Variants in CNTNAP2 observed in about 807,000 individuals in gnomAD.
CNTNAP2 encodes the protein contactin associated protein 2.
A neutral mutation model predicts 155.2 loss-of-function variants in CNTNAP2; 98 were observed. The observed-to-expected ratio is 0.63, with a 90% CI of 0.54 to 0.75. The LOEUF (loss-of-function observed/expected upper bound fraction) is 0.75. CNTNAP2 is among the 30% of genes least tolerant of loss of function. CNTNAP2 has a pLI of 0.00. For missense variants in CNTNAP2, 1,727 were observed against 1,688.1 expected (o/e 1.02, Z -0.40); for synonymous variants, 651 against 631.2 (o/e 1.03, Z -0.47).
chr7:146,382,387 G>A (rs1294834222), intron 1 of CNTNAP2, among the ~76,000 whole-genome samples: 5 of 152,166 alleles, frequency 3.3e-5, no homozygotes, highest in Non-Finnish European at 1.5e-5. Context: ...ATTGGGGAAA[G>A]CATTGATTTG....
chr7:147,502,645 T>A (rs1798836317), intron 11 of CNTNAP2, among the ~76,000 whole-genome samples: 2 of 151,918 alleles, frequency 1.3e-5, no homozygotes, highest in African/African-American at 4.8e-5. Flanking sequence ...AGATCTGAAG[T>A]GTTCTCACAC....
intron 20 of CNTNAP2, among the ~76,000 whole-genome samples, chr7:148,264,135 A>G (rs1432118313): frequency 6.6e-6 from 1 of 152,234 alleles, no homozygotes; most frequent in African/African-American, 2.4e-5. Flanking sequence ...ATGGAAATTT[A>G]ATCTTTAAAA....
At chr7:147,102,726 T>A (rs1423533329) in intron 4 of CNTNAP2, among the ~76,000 whole-genome samples, 1 of 152,200 alleles carries the variant, frequency 6.6e-6, no homozygotes, top group African/African-American at 2.4e-5. Context: ...AAATTAGCTA[T>A]AATGACATTT....
intron 17 of CNTNAP2, among the ~76,000 whole-genome samples, chr7:148,167,621 G>A (rs117343058): frequency 0.023 from 3,558 of 152,292 alleles, 59 homozygotes; most frequent in Middle Eastern, 0.048. Flanking sequence ...GAGAGCCTGT[G>A]AACCGTGAGC....
intron 22 of CNTNAP2, among the ~76,000 whole-genome samples, chr7:148,391,812 G>GA (rs916944744): frequency 1.3e-5 from 2 of 152,136 alleles, no homozygotes; most frequent in African/African-American, 4.8e-5. Flanking sequence ...ACAAACACCA[G>GA]AAAAAATAAA....
chr7:147,072,620 A>T (rs916040296), intron 4 of CNTNAP2, among the ~76,000 whole-genome samples: 2 of 152,098 alleles, frequency 1.3e-5, no homozygotes, highest in African/African-American at 4.8e-5. Flanking sequence ...AGAAGGTAAA[A>T]TCTACAGAAC....
intron 2 of CNTNAP2, among the ~76,000 whole-genome samples, chr7:146,809,153 A>G (rs1426259307): frequency 6.6e-6 from 1 of 152,172 alleles, no homozygotes; most frequent in Non-Finnish European, 1.5e-5. Context: ...ACTGGTTTCC[A>G]TAATAATTGT....
At chr7:146,329,168 C>G (rs992433375) in intron 1 of CNTNAP2, among the ~76,000 whole-genome samples, 3 of 152,122 alleles carry the variant, frequency 2.0e-5, no homozygotes, top group Non-Finnish European at 4.4e-5. Context: ...TTCTCTACAT[C>G]GTGGTCAACA....
intron 14 of CNTNAP2, among the ~76,000 whole-genome samples, chr7:147,954,438 G>A (rs1280991463): frequency 6.6e-6 from 1 of 151,686 alleles, no homozygotes; most frequent in Non-Finnish European, 1.5e-5. Context: ...TATACAGAAG[G>A]AAAAGAAGAC....
At chr7:146,125,437 G>A (rs1224661426) in intron 1 of CNTNAP2, among the ~76,000 whole-genome samples, 1 of 151,432 alleles carries the variant, frequency 6.6e-6, no homozygotes, top group Non-Finnish European at 1.5e-5. Context: ...TTAGCCGGGC[G>A]TTGTGGCGGG....
rs577485310 is a variant in CNTNAP2 at position 147,571,118 on chromosome 7, CT to C, written c.1897+8869del. Among the ~76,000 whole-genome samples the C allele has an allele frequency of 1.7e-3, 254 of 151,714 alleles. 1 individual carries two copies. The highest frequency in any genetic ancestry group is 3.4e-3 in the Middle Eastern group (1 of 294). ...TAGGCAATTAGTATGATTTTTAGTT[CT>C]TTTTTTTATTATTATTATACTTTAA... On this transcript the variant is annotated intron_variant, in intron 12 of 23. Coordinates refer to ENST00000361727, the MANE Select transcript of CNTNAP2 (RefSeq NM_014141.6).
intron 2 of CNTNAP2, among the ~76,000 whole-genome samples, chr7:146,806,056 G>T (rs1003890072): frequency 1.6e-4 from 24 of 152,266 alleles, no homozygotes; most frequent in African/African-American, 5.5e-4. Context: ...ATCACTCCTT[G>T]CTGCTCCATG....
At chr7:147,963,948 A>T (rs560449221) in intron 14 of CNTNAP2, among the ~76,000 whole-genome samples, 9 of 152,258 alleles carry the variant, frequency 5.9e-5, no homozygotes, top group African/African-American at 2.2e-4. Context: ...CATTATATAT[A>T]ACCATTATGG....
chr7:146,357,657 C>A (rs937403527), intron 1 of CNTNAP2, among the ~76,000 whole-genome samples: 2 of 152,098 alleles, frequency 1.3e-5, no homozygotes, highest in Non-Finnish European at 2.9e-5. Flanking sequence ...ATTAACATTT[C>A]TCTATTTTGC....
intron 2 of CNTNAP2, chr7:146,782,383 A>T (rs941879628): frequency 6.6e-6 from 1 of 152,128 alleles, no homozygotes; most frequent in African/African-American, 2.4e-5. Context: ...TTCATCTTCA[A>T]TTGGCTCTCC....
chr7:147,467,370 C>T (rs771924850), intron 10 of CNTNAP2, among the ~76,000 whole-genome samples: 16 of 152,124 alleles, frequency 1.1e-4, no homozygotes, highest in Middle Eastern at 3.2e-3. Context: ...TTATTGAAAA[C>T]GTCACTTCCT....
intron 9 of CNTNAP2, chr7:147,378,227 A>G: frequency 3.6e-6 from 1 of 275,420 alleles, no homozygotes; most frequent in Non-Finnish European, 7.2e-6. Context: ...TTACAAACTC[A>G]CTCTGTAGCT....
At chr7:146,493,513 G>A (rs531116602) in intron 1 of CNTNAP2, among the ~76,000 whole-genome samples, 79 of 152,190 alleles carry the variant, frequency 5.2e-4, no homozygotes, top group African/African-American at 1.7e-3. Flanking sequence ...GAACCTATGA[G>A]GAGGTGAAAT....
At chr7:147,618,126 T>C (rs1017280838) in intron 12 of CNTNAP2, among the ~76,000 whole-genome samples, 1 of 152,076 alleles carries the variant, frequency 6.6e-6, no homozygotes, top group Non-Finnish European at 1.5e-5. Flanking sequence ...ATATAGAAAA[T>C]GGAATTTATT....
Sources: gnomAD v4.1 joint callset for allele counts (sites outside exome capture counted in the v4.1 genomes callset) on GRCh38, gnomAD v4.1.1 for gene constraint, MANE v1.5 for transcripts, NCBI Gene and HGNC (gene_info 2026-07-23, HGNC 2026-07-21) for gene names.